The following TM2D3 variants were observed in gnomAD, a reference collection of about 807,000 sequenced individuals.
TM2D3 encodes TM2 domain containing 3.
TM2D3 carries 33 observed loss-of-function variants against 27.3 expected under a neutral mutation model. The observed-to-expected ratio is 1.21, with a 90% CI of 0.92 to 1.61. The LOEUF is 1.61. Among genes scored for constraint, TM2D3 ranks in the 40% most tolerant of loss-of-function variants. The probability of loss-of-function intolerance (pLI) is 0.00; values close to 1 mark genes in which losing one functional copy is unlikely to be tolerated. For synonymous variants in TM2D3, 138 were observed against 122.2 expected, an observed-to-expected ratio of 1.13 and a Z score of -0.85; for missense variants, 364 against 320.8, an observed-to-expected ratio of 1.13 and a Z score of -1.03.
intron 4 of TM2D3, chr15:101,646,190 T>C (rs1896801117): frequency 6.5e-6 from 1 of 153,290 alleles, no homozygotes; most frequent in African/African-American, 2.4e-5. Context: ...GTCACGTGGA[T>C]GAATCCTAGA....
At chr15:101,648,858 C>T (rs112356540) in intron 3 of TM2D3, among the ~76,000 whole-genome samples, 4 of 152,264 alleles carry the variant, frequency 2.6e-5, no homozygotes, top group African/African-American at 7.2e-5. Context: ...TATCTGCATC[C>T]ATGTATAATG....
At chr15:101,646,695 G>T (rs766205451) in intron 4 of TM2D3, 30 bp downstream of exon 4, 1 of 1,613,174 alleles carries the variant, frequency 6.2e-7, no homozygotes, top group African/African-American at 1.3e-5. Context: ...AAAACATTTT[G>T]TTGACAAATG....
chr15:101,646,471 C>T, intron 4 of TM2D3: 1 of 307,512 alleles, frequency 3.3e-6, no homozygotes, highest in South Asian at 2.8e-5. Context: ...GGGTAAAGGT[C>T]AATTACTGTG....
At chr15:101,646,025 TGAA>T (rs1308391713) in intron 4 of TM2D3, 1 of 152,468 alleles carries the variant, frequency 6.6e-6, no homozygotes, top group South Asian at 2.1e-4. Flanking sequence ...AAGTACATGC[TGAA>T]GAAGCTCTTG....
At chr15:101,643,495 G>A (rs538407125) in intron 5 of TM2D3, among the ~76,000 whole-genome samples, 4 of 151,576 alleles carry the variant, frequency 2.6e-5, no homozygotes, top group Non-Finnish European at 2.9e-5. Flanking sequence ...CCAGCTGCTC[G>A]GGAGGCTGAG....
intron 3 of TM2D3, chr15:101,648,263 TTC>T (rs1362218551): frequency 6.6e-6 from 1 of 152,244 alleles, no homozygotes; most frequent in Admixed American, 6.5e-5. Flanking sequence ...GCCATCCTAA[TTC>T]TCTCTGTATG....
chr15:101,633,496 C>G, exon 5 of TM2D3: 1 of 490,794 alleles, frequency 2.0e-6, no homozygotes, highest in Non-Finnish European at 3.6e-6. Flanking sequence ...GCCCTCAGAT[C>G]CCGAAGGACA....
chr15:101,639,795 G>T (rs777542764), downstream of TM2D3, among the ~76,000 whole-genome samples: 3 of 152,170 alleles, frequency 2.0e-5, no homozygotes, highest in Non-Finnish European at 4.4e-5. Flanking sequence ...CACCTCAACT[G>T]CCAGTCCCTG....
intron 5 of TM2D3, among the ~76,000 whole-genome samples, chr15:101,643,820 G>A (rs919612202): frequency 6.6e-6 from 1 of 151,932 alleles, no homozygotes; most frequent in Non-Finnish European, 1.5e-5. Flanking sequence ...TAAAAAGCCA[G>A]TTGTTAATTT....
At chr15:101,647,023 G>A (rs1896832241) in intron 3 of TM2D3, 124 bp from the exon 4 acceptor site, 1 of 971,394 alleles carries the variant, frequency 1.0e-6, no homozygotes, top group Non-Finnish European at 1.5e-6. Flanking sequence ...CTAGGAGTAA[G>A]TGCCAGAAAA....
At chr15:101,651,621 G>A (rs1304566948) in intron 2 of TM2D3, 75 bp downstream of exon 2, 15 of 1,416,248 alleles carry the variant, frequency 1.1e-5, no homozygotes, top group Non-Finnish European at 1.4e-5. Flanking sequence ...TATACTAAAG[G>A]GAATTTTTAT....
chr15:101,650,197 A>C, intron 2 of TM2D3, 36 bp from the exon 3 acceptor site: 2 of 1,589,424 alleles, frequency 1.3e-6, no homozygotes, highest in South Asian at 2.2e-5. Context: ...TTCTCCTATA[A>C]TACTGATTCG....
At chr15:101,641,836 A>G (rs1264217693), downstream of TM2D3, 2 of 837,114 alleles carry the variant, frequency 2.4e-6, no homozygotes, top group Non-Finnish European at 2.9e-6. Context: ...TATAGAAAAC[A>G]GGCCCACAGT....
intron 3 of TM2D3, 78 bp from the exon 4 acceptor site, chr15:101,646,977 A>G (rs904019997): frequency 3.0e-5 from 45 of 1,506,452 alleles, no homozygotes; most frequent in South Asian, 2.9e-4. Context: ...ACACAGTCAC[A>G]TGGCACAAAA....
downstream of TM2D3, among the ~76,000 whole-genome samples, chr15:101,639,034 T>A (rs1896610708): frequency 6.6e-6 from 1 of 152,204 alleles, no homozygotes. Flanking sequence ...TAGTAAATTA[T>A]GTCCACGTGT....
chr15:101,647,800 T>C (rs75004357), intron 3 of TM2D3, among the ~76,000 whole-genome samples: 2,472 of 152,274 alleles, frequency 0.016, 53 homozygotes, highest in African/African-American at 0.051. Flanking sequence ...TGACATTACA[T>C]TGCAGTGCAT....
At chr15:101,635,103 T>G (rs1363221303) in intron 4 of TM2D3, 1 of 152,208 alleles carries the variant, frequency 6.6e-6, no homozygotes, top group Non-Finnish European at 1.5e-5. Flanking sequence ...GAGATTGCAG[T>G]GAACTGAGAT....
Position 101,633,771 on chromosome 15 carries a change from G to A in TM2D3, c.501-43C>T, listed in dbSNP as rs1294253457. 5 of 1,487,684 alleles carry A rather than the reference G, an allele frequency of 3.4e-6. No homozygotes were observed. The East Asian group carries it at 1.2e-4, about 37-fold the overall frequency. 92.2% of individuals were successfully genotyped at this position (1,487,684 alleles called of 1,614,324 possible). ...AAGAATTTAAAAGAAAAAACAATTA[G>A]TTCTTATGACATAATATCCAACATG... is the stretch of plus-strand genomic sequence containing the variant. On this transcript the variant is annotated intron_variant, in intron 4 of 4. Transcript: ENST00000428002.
rs747787074 is a variant in TM2D3 at position 101,652,330 on chromosome 15, A to C, written c.32T>G (p.Leu11Arg). MAGGVLPLRG[L>R]RALCRVLLFL... ...GAGCAGCACGCGACACAAGGCGCGG[A>C]GGCCCCTCAGCGGGAGCACCCCTCC... Residue 11 changes from leucine (L) to arginine (R), a missense_variant, in exon 1 of 6, where the codon CTC becomes CGC. Transcript: ENST00000333202. 6.2e-7 allele frequency: 1 copy of C among 1,602,062 alleles called. No homozygotes were observed. Among genetic ancestry groups the C allele is most frequent in the South Asian group, 1.1e-5 (1 of 90,310 alleles).
Sources: allele counts gnomAD v4.1 joint callset (sites outside exome capture counted in the v4.1 genomes callset), GRCh38; gene constraint gnomAD v4.1.1; transcripts MANE v1.5; gene names NCBI Gene and HGNC (gene_info 2026-07-23, HGNC 2026-07-21).